The following RARG variants were observed in gnomAD, a reference collection of about 807,000 sequenced individuals.
RARG encodes RAR-gamma.
In RARG, 17 loss-of-function variants were observed where a neutral mutation model predicts 43.7. The ratio of observed to expected loss-of-function variants is 0.39; its 90% confidence interval spans 0.27 to 0.58. The LOEUF is 0.58. Among genes scored for constraint, RARG ranks in the 20% least tolerant of loss-of-function variants. RARG has a pLI of 0.57. For missense variants in RARG, 346 were observed against 598.7 expected, an observed-to-expected ratio of 0.58 and a Z score of 4.40; for synonymous variants, 238 against 236.4, an observed-to-expected ratio of 1.01 and a Z score of -0.06.
intron 3 of RARG, chr12:53,219,908 T>C (rs372926309): frequency 1.1e-5 from 16 of 1,443,140 alleles, no homozygotes; most frequent in Non-Finnish European, 1.5e-5. Flanking sequence ...AATCCCACCC[T>C]CTCCTGCACC....
chr12:53,217,839 C>G (rs1942821235), intron 3 of RARG, among the ~76,000 whole-genome samples: 4 of 152,174 alleles, frequency 2.6e-5, no homozygotes. Context: ...GAGCTTCAAA[C>G]AAACTCTTTA....
chr12:53,217,152 CACAT>C (rs1565722595), intron 3 of RARG, among the ~76,000 whole-genome samples: 1 of 152,070 alleles, frequency 6.6e-6, no homozygotes, highest in East Asian at 1.9e-4. Context: ...ACCCCCAACA[CACAT>C]ACAATCAATT....
chr12:53,227,730 C>T lies in RARG; in HGVS notation c.-142-43G>A. The T allele has an allele frequency of 8.2e-7, 1 of 1,212,352 alleles. No homozygotes were observed. Among genetic ancestry groups the T allele is most frequent in the Admixed American group, 4.0e-5 (1 of 24,840 alleles). 75.1% of individuals were successfully genotyped at this position (1,212,352 alleles called of 1,614,324 possible). On this transcript the variant is annotated intron_variant, in intron 2 of 9. Coordinates refer to ENST00000425354, the MANE Select transcript of RARG (RefSeq NM_000966.6). This position sits in a 1 kb window ranked among gnomAD's most constrained non-coding sequence, Gnocchi z 4.3. ...GAAAGGAGAGATGAGAGAATGACCA[C>T]TCTGAGGTTCCAAGCCCTGTGACCC...
chr12:53,220,334 C>G, intron 3 of RARG: 1 of 1,358,932 alleles, frequency 7.4e-7, no homozygotes, highest in Non-Finnish European at 9.4e-7. Flanking sequence ...CCGTCCAGCT[C>G]TTATCTGGGT....
Position 53,213,365 on chromosome 12 carries a change from T to C in RARG, c.1019-122A>G. 3 of 1,476,760 alleles carry C rather than the reference T, an allele frequency of 2.0e-6. No homozygotes were observed. The highest frequency in any genetic ancestry group is 1.9e-6 in the Non-Finnish European group (2 of 1,071,734). The allele number at this position is 1,476,760 out of a possible 1,614,324, so 91.5% of individuals were successfully genotyped here. A position where few individuals can be genotyped will look rare whatever the true frequency, so the allele number is the denominator to read the frequency against. ...GTACAGGGTTTCAGAACTCTCTGGA[T>C]GGGGCCAGGTGCAAGAATTACCAGC... is the stretch of plus-strand genomic sequence containing the variant. On this transcript the variant is annotated intron_variant, in intron 8 of 9. Coordinates refer to ENST00000425354, the MANE Select transcript of RARG (RefSeq NM_000966.6). The surrounding 1 kb of genome is among the most constrained non-coding windows in gnomAD (Gnocchi z 4.7).
intron 3 of RARG, among the ~76,000 whole-genome samples, chr12:53,222,022 CG>C (rs1239824774): frequency 1.3e-5 from 1 of 76,422 alleles, no homozygotes; most frequent in Non-Finnish European, 2.9e-5. Context: ...GGGGGAGGGG[CG>C]GGGGGCTGCC....
In RARG at chr12:53,227,787, G is replaced by T; in HGVS notation, c.-142-100C>A. The T allele has an allele frequency of 1.1e-6, 1 of 910,946 alleles. No homozygotes were observed. The highest frequency in any genetic ancestry group is 1.4e-6 in the Non-Finnish European group (1 of 690,682). The allele number at this position is 910,946 out of a possible 1,614,324, so 56.4% of individuals were successfully genotyped here. A position where few individuals can be genotyped will look rare whatever the true frequency, so the allele number is the denominator to read the frequency against. On this transcript the variant is annotated intron_variant, in intron 2 of 9. Transcript: ENST00000425354. This position sits in a 1 kb window ranked among gnomAD's most constrained non-coding sequence, Gnocchi z 4.3. ...AGTTGCAGTCTTCTCCCTCTGTGCT[G>T]CTACAGTTTATCCTGCCCTGGCTCA... is the stretch of plus-strand genomic sequence containing the variant.
chr12:53,224,537 G>A (rs1205431724), intron 3 of RARG, among the ~76,000 whole-genome samples: 2 of 152,100 alleles, frequency 1.3e-5, no homozygotes, highest in East Asian at 1.9e-4. Context: ...AAAAGGGACA[G>A]CAGGTCGGAG....
At chr12:53,219,839 G>A (rs1942898829) in intron 3 of RARG, 1 of 1,060,078 alleles carries the variant, frequency 9.4e-7, no homozygotes, top group African/African-American at 1.6e-5. Flanking sequence ...ACCTTACATA[G>A]AAAGGGCCAG....
Position 53,213,110 on chromosome 12 carries a change from G to T in RARG, c.1152C>A (p.Thr384=). The T allele has an allele frequency of 6.2e-7, 1 of 1,614,018 alleles. No homozygotes were observed. The highest frequency in any genetic ancestry group is 1.3e-5 in the African/African-American group (1 of 75,046). ...YMFPRMLMKI[T]DLRGISTKGA... ...CCTTAGTGCTGATGCCCCGGAGGTC[G>T]GTGATTTTCATTAGCATCCTTGGGA... The change falls in exon 9 of 10, where the codon ACC becomes ACA. Residue 384 remains threonine, a synonymous_variant. Transcript: ENST00000425354. This position sits in a 1 kb window ranked among gnomAD's most constrained non-coding sequence, Gnocchi z 4.7.
Position 53,215,113 on chromosome 12 carries a change from A to T in RARG, c.475+180T>A, listed in dbSNP as rs1469803773. ...CAAGCTCCCTGAGAGGGAGAATGGG[A>T]AATGGTGGGGCCTCCTGGTTGAATG... On this transcript the variant is annotated intron_variant, in intron 5 of 9. Transcript: ENST00000425354. The surrounding 1 kb of genome is among the most constrained non-coding windows in gnomAD (Gnocchi z 6.4). Among the ~76,000 whole-genome samples the T allele has an allele frequency of 6.6e-6, 1 of 152,156 alleles. No individual in the cohort carries two copies.
chr12:53,228,241 G>C (rs1402166578), intron 2 of RARG, among the ~76,000 whole-genome samples: 1 of 152,116 alleles, frequency 6.6e-6, no homozygotes, highest in Non-Finnish European at 1.5e-5. Context: ...AGACTACCTG[G>C]ACTGTACCCC....
intron 1 of RARG, 47 bp downstream of exon 1, chr12:53,231,927 G>A (rs2120754419): frequency 2.5e-6 from 1 of 395,046 alleles, no homozygotes; most frequent in Non-Finnish European, 4.5e-6. Context: ...CCTCGCCGGA[G>A]GACCCAGGCG....
chr12:53,220,758 C>G (rs986357584), intron 3 of RARG, among the ~76,000 whole-genome samples: 66 of 152,130 alleles, frequency 4.3e-4, no homozygotes, highest in Non-Finnish European at 8.2e-4. Context: ...ATAAGCATTT[C>G]CTTTCAGAGT....
intron 3 of RARG, chr12:53,220,033 G>T: frequency 3.2e-6 from 5 of 1,539,710 alleles, no homozygotes; most frequent in Non-Finnish European, 4.4e-6. Flanking sequence ...CAGCAAGCCG[G>T]CCCCGGGCCC....
intron 2 of RARG, among the ~76,000 whole-genome samples, chr12:53,229,442 C>A (rs184169087): frequency 9.9e-5 from 15 of 152,268 alleles, no homozygotes; most frequent in African/African-American, 2.9e-4. Context: ...GACCCCAACG[C>A]CATCACATTT....
chr12:53,216,833 TGTGTGTGTGC>T (rs1252133796), intron 3 of RARG, among the ~76,000 whole-genome samples: 2 of 139,306 alleles, frequency 1.4e-5, no homozygotes, highest in South Asian at 5.5e-4. Context: ...TGTGTGTGTG[TGTGTGTGTGC>T]GCGCGCGCGC....
In RARG at chr12:53,213,957, G is replaced by A. The variant is rs1391341802; in HGVS notation, c.813+102C>T. ...GAGAGCTGAGGAGTCCCACATGTGT[G>A]GCAGGGGGTGCAGGGTAAGGAAATC... On this transcript the variant is annotated intron_variant, in intron 7 of 9. Transcript: ENST00000425354. This position sits in a 1 kb window ranked among gnomAD's most constrained non-coding sequence, Gnocchi z 4.7. 5.9e-6 allele frequency: 8 copies of A among 1,351,788 alleles called. No homozygotes were observed. In the East Asian group the frequency reaches 1.8e-4, roughly 31 times the overall value. The allele number at this position is 1,351,788 out of a possible 1,614,324, so 83.7% of individuals were successfully genotyped here. A position where few individuals can be genotyped will look rare whatever the true frequency, so the allele number is the denominator to read the frequency against.
intron 2 of RARG, among the ~76,000 whole-genome samples, chr12:53,228,014 C>G (rs1943149524): frequency 6.6e-6 from 1 of 152,242 alleles, no homozygotes; most frequent in South Asian, 2.1e-4. Context: ...AACCTCACAT[C>G]AGTCCTGTGA....
Sources: gnomAD v4.1 joint callset for allele counts (sites outside exome capture counted in the v4.1 genomes callset) on GRCh38, gnomAD v4.1.1 for gene constraint, Gnocchi (gnomAD v3.1) non-coding constraint, MANE v1.5 for transcripts, NCBI Gene and HGNC (gene_info 2026-07-23, HGNC 2026-07-21) for gene names.